The following GPC5 variants were observed in gnomAD, a reference collection of about 807,000 sequenced individuals.
The protein encoded by GPC5 is glypican-5.
GPC5 carries 47 observed loss-of-function variants against 53.9 expected under a neutral mutation model. That is an observed-to-expected ratio of 0.87 (90% confidence interval 0.69 to 1.11). The LOEUF (loss-of-function observed/expected upper bound fraction) is 1.11, where lower values mean the gene tolerates loss of function less well. Ranked by LOEUF, GPC5 falls within the 50% of genes most tolerant of loss-of-function variation. The pLI is 0.00. For missense variants in GPC5, 748 were observed against 713.1 expected (o/e 1.05, Z -0.56); for synonymous variants, 286 against 263.3 (o/e 1.09, Z -0.84).
At chr13:91,829,833 G>A (rs1024536008) in intron 5 of GPC5, among the ~76,000 whole-genome samples, 8 of 152,080 alleles carry the variant, frequency 5.3e-5, no homozygotes, top group African/African-American at 1.9e-4. Flanking sequence ...AAAGGGGAGG[G>A]AGTGTACGAA....
chr13:92,790,976 T>C (rs1876440127), intron 7 of GPC5, among the ~76,000 whole-genome samples: 1 of 152,094 alleles, frequency 6.6e-6, no homozygotes, highest in Non-Finnish European at 1.5e-5. Context: ...AAACTTTTAA[T>C]AAAGTAGGAA....
intron 2 of GPC5, among the ~76,000 whole-genome samples, chr13:91,674,650 G>A (rs1566600177): frequency 1.4e-5 from 2 of 138,766 alleles, no homozygotes; most frequent in African/African-American, 2.9e-5. Context: ...TGTGTATTAT[G>A]CGTATGTGTA....
chr13:91,781,722 C>T (rs895069622), intron 5 of GPC5, among the ~76,000 whole-genome samples: 14 of 152,140 alleles, frequency 9.2e-5, no homozygotes, highest in Admixed American at 7.9e-4. Flanking sequence ...CGAATCCACC[C>T]GAGTGCATTC....
rs148275344 is a variant in GPC5, at chr13:92,076,630, A to G, written c.1402-68200A>G. 3.6e-3 allele frequency among the ~76,000 whole-genome samples: 542 copies of G among 151,470 alleles called. 4 individuals are homozygous for G. Among genetic ancestry groups the G allele is most frequent in the Non-Finnish European group, 5.6e-3 (381 of 67,936 alleles). ...TCTGGGGAGTCATCCCCTACAAACC[A>G]TGAATTCTCATCAGATGGATTTTTT... On this transcript the variant is annotated intron_variant, in intron 6 of 7. Transcript: ENST00000377067.
chr13:91,802,732 A>G (rs1316078147), intron 5 of GPC5, among the ~76,000 whole-genome samples: 1 of 152,120 alleles, frequency 6.6e-6, no homozygotes, highest in East Asian at 1.9e-4. Context: ...ACCTTTCACT[A>G]GCATGTGGTA....
chr13:91,941,854 C>A (rs141550538), intron 6 of GPC5, among the ~76,000 whole-genome samples: 163 of 152,158 alleles, frequency 1.1e-3, no homozygotes, highest in African/African-American at 3.7e-3. Flanking sequence ...TTTGGTAAAG[C>A]AAGATAAAGT....
intron 7 of GPC5, among the ~76,000 whole-genome samples, chr13:92,865,118 A>G (rs1879298977): frequency 6.6e-6 from 1 of 152,174 alleles, no homozygotes; most frequent in African/African-American, 2.4e-5. Flanking sequence ...ATCTTTAAAA[A>G]GCAATTCTTT....
chr13:92,587,183 C>A (rs529079245), intron 7 of GPC5, among the ~76,000 whole-genome samples: 34 of 152,150 alleles, frequency 2.2e-4, no homozygotes, highest in African/African-American at 7.0e-4. Context: ...AAGAAAAATT[C>A]TATTTTCCCT....
chr13:92,653,009 G>A (rs1390886854), intron 7 of GPC5, among the ~76,000 whole-genome samples: 1 of 152,154 alleles, frequency 6.6e-6, no homozygotes, highest in Non-Finnish European at 1.5e-5. Context: ...GTATGGGTGT[G>A]TGTATATGTG....
intron 2 of GPC5, among the ~76,000 whole-genome samples, chr13:91,657,810 T>C (rs944052906): frequency 6.6e-6 from 1 of 152,270 alleles, no homozygotes; most frequent in Non-Finnish European, 1.5e-5. Context: ...ATGGATAGTA[T>C]GTAAACAATA....
chr13:91,751,389 C>A (rs766903419), intron 4 of GPC5, among the ~76,000 whole-genome samples: 30 of 152,210 alleles, frequency 2.0e-4, no homozygotes, highest in Admixed American at 4.6e-4. Context: ...ACTACCCCAA[C>A]ATACCATTGG....
Position 91,909,833 on chromosome 13 carries a change from C to A in GPC5, c.1401+1776C>A, listed in dbSNP as rs189052549. On this transcript the variant is annotated intron_variant, in intron 6 of 7. Coordinates refer to ENST00000377067, the MANE Select transcript of GPC5 (RefSeq NM_004466.6). ...TGCCCATTCAGCAAAACACCACCCCCCTCCTCTGCCAGTTCTGGTTTTGTA... is the reference window on the plus strand; with the variant it reads ...TGCCCATTCAGCAAAACACCACCCCACTCCTCTGCCAGTTCTGGTTTTGTA... 2.1e-3 allele frequency among the ~76,000 whole-genome samples: 318 copies of A among 152,252 alleles called. 1 individual carries two copies. Among genetic ancestry groups the A allele is most frequent in the Admixed American group, 6.1e-3 (93 of 15,274 alleles).
At chr13:92,316,784 G>T (rs893326307) in intron 7 of GPC5, among the ~76,000 whole-genome samples, 9 of 152,044 alleles carry the variant, frequency 5.9e-5, no homozygotes, top group African/African-American at 1.9e-4. Flanking sequence ...AATGAGAAAA[G>T]GGGTTCTGGG....
intron 7 of GPC5, among the ~76,000 whole-genome samples, chr13:92,479,494 T>C (rs1051751293): frequency 6.6e-6 from 1 of 152,148 alleles, no homozygotes; most frequent in African/African-American, 2.4e-5. Flanking sequence ...GAGGAGAGAA[T>C]TCAGGTGATG....
chr13:91,411,307 T>C (rs1482794953), intron 1 of GPC5, among the ~76,000 whole-genome samples: 3 of 152,232 alleles, frequency 2.0e-5, no homozygotes, highest in African/African-American at 7.2e-5. Context: ...CTCTACTTTA[T>C]TGTGTTCTTG....
intron 7 of GPC5, among the ~76,000 whole-genome samples, chr13:92,179,197 G>C (rs1456777513): frequency 6.6e-6 from 1 of 151,832 alleles, no homozygotes; most frequent in African/African-American, 2.4e-5. Flanking sequence ...AATTAGCTCT[G>C]GGGTAAAACA....
chr13:92,296,636 A>G (rs1321090968), intron 7 of GPC5, among the ~76,000 whole-genome samples: 1 of 151,806 alleles, frequency 6.6e-6, no homozygotes, highest in Non-Finnish European at 1.5e-5. Context: ...GCTGGAGCCC[A>G]CTCCCTCAGC....
chr13:92,248,506 A>G (rs1299444026), intron 7 of GPC5, among the ~76,000 whole-genome samples: 1 of 152,170 alleles, frequency 6.6e-6, no homozygotes, highest in Non-Finnish European at 1.5e-5. Flanking sequence ...CAGTTTTCTC[A>G]TCTGTAAAAT....
At position 91,573,123 on chromosome 13, in the gene GPC5, C is replaced by G. The variant is rs993133778; in HGVS notation, c.326-120064C>G. On this transcript the variant is annotated intron_variant, in intron 2 of 7. Transcript: ENST00000377067. The stretch of plus-strand genomic sequence containing the variant: ...GTGCTGGCAAGCCAGGTTGCTGTAA[C>G]GAGTTGGGCAAAGTTTTACACAATT... 3.3e-5 allele frequency among the ~76,000 whole-genome samples: 5 copies of G among 152,230 alleles called. No homozygotes were observed. The East Asian group carries it at 9.7e-4, about 29-fold the overall frequency.
Sources: allele counts gnomAD v4.1 joint callset (sites outside exome capture counted in the v4.1 genomes callset), GRCh38; gene constraint gnomAD v4.1.1; transcripts MANE v1.5; gene names NCBI Gene and HGNC (gene_info 2026-07-23, HGNC 2026-07-21).